TOMM7: variants seen among roughly 807,000 people sequenced by gnomAD.
TOMM7 encodes mitochondrial import receptor subunit TOM7 homolog.
Under a neutral mutation model 9.5 loss-of-function variants are expected in TOMM7, and 8 were observed. The observed-to-expected ratio is 0.84, with a 90% CI of 0.49 to 1.51. TOMM7 has a LOEUF of 1.51. Among genes scored for constraint, TOMM7 ranks in the 40% most tolerant of loss-of-function variants. The pLI is 0.00. For missense variants in TOMM7, 74 were observed against 63.7 expected, an observed-to-expected ratio of 1.16 and a Z score of -0.55; for synonymous variants, 27 against 21.4, an observed-to-expected ratio of 1.26 and a Z score of -0.72.
intron 2 of TOMM7, among the ~76,000 whole-genome samples, chr7:22,814,387 C>T (rs10950922): frequency 0.48 from 69,878 of 146,514 alleles, 18,435 homozygotes; most frequent in East Asian, 0.82. Context: ...GGTGTGGTGA[C>T]GCGTGCCTGT....
intron 1 of TOMM7, among the ~76,000 whole-genome samples, chr7:22,821,588 A>G (rs973072791): frequency 1.3e-5 from 2 of 151,950 alleles, no homozygotes; most frequent in African/African-American, 4.8e-5. Flanking sequence ...GTCTCTACTA[A>G]AAATATAAAC....
chr7:22,817,865 T>A (rs1782336503), intron 2 of TOMM7, 135 bp downstream of exon 2: 3 of 737,094 alleles, frequency 4.1e-6, no homozygotes, highest in Non-Finnish European at 6.7e-6. Context: ...TAGTTGCAGT[T>A]TTCCAATAGC....
intron 2 of TOMM7, among the ~76,000 whole-genome samples, chr7:22,814,349 CAAAAAAA>C (rs58506942): frequency 9.9e-5 from 9 of 91,022 alleles, no homozygotes; most frequent in Non-Finnish European, 1.7e-4. Context: ...GACTCCGACT[CAAAAAAA>C]AAAAAAAAAA....
At chr7:22,819,320 T>C (rs1350735234) in intron 1 of TOMM7, among the ~76,000 whole-genome samples, 1 of 151,262 alleles carries the variant, frequency 6.6e-6, no homozygotes, top group Non-Finnish European at 1.5e-5. Flanking sequence ...TTAAAATAAA[T>C]AAAAGATAAC....
chr7:22,822,158 A>C (rs1336283416), intron 1 of TOMM7: 31 of 1,550,532 alleles, frequency 2.0e-5, no homozygotes, highest in Non-Finnish European at 2.7e-5. Flanking sequence ...CCTCACCTGT[A>C]AAATGGGGGC....
chr7:22,817,712 T>C, intron 2 of TOMM7: 1 of 295,366 alleles, frequency 3.4e-6, no homozygotes, highest in Non-Finnish European at 6.4e-6. Flanking sequence ...TTCATCTGAA[T>C]GAGGATAAGA....
At chr7:22,822,127 A>T in intron 1 of TOMM7, 1 of 1,549,124 alleles carries the variant, frequency 6.5e-7, no homozygotes. Flanking sequence ...CCTTGGCAAA[A>T]AAGTTTCTCT....
At chr7:22,814,847 A>G (rs1442510415) in intron 2 of TOMM7, among the ~76,000 whole-genome samples, 1 of 152,208 alleles carries the variant, frequency 6.6e-6, no homozygotes, top group Non-Finnish European at 1.5e-5. Flanking sequence ...TATTTACATA[A>G]GTATTATATA....
In TOMM7 at chr7:22,822,755, T is replaced by A. The variant is rs1782412522; in HGVS notation, c.25A>T (p.Lys9Ter). The change falls in exon 1 of 3, where the codon AAG becomes TAG. Residue 9 changes from lysine to a stop codon, truncating the protein, a stop_gained. Coordinates refer to ENST00000358435, the MANE Select transcript of TOMM7 (RefSeq NM_019059.5). LOFTEE classifies it high-confidence loss of function. ...TTGAAGAGCTGCTGTAGTCTCTGCT[T>A]GGCCTCTTTGCTCAGCTTCACCATG... MVKLSKEA[K>*]QRLQQLFKGS... is the part of the protein sequence containing the mutation. 2 of 1,614,212 alleles carry A rather than the reference T, an allele frequency of 1.2e-6. No individual in the cohort carries two copies. The highest frequency in any genetic ancestry group is 1.7e-6 in the Non-Finnish European group (2 of 1,180,028).
intron 2 of TOMM7, 92 bp from the exon 3 acceptor site, chr7:22,813,277 T>C: frequency 8.6e-7 from 1 of 1,162,962 alleles, no homozygotes; most frequent in Non-Finnish European, 1.2e-6. Context: ...TATACATTTA[T>C]GTTTGTTTCC....
In TOMM7 at chr7:22,822,105, A is replaced by T. The variant is rs1562674474; in HGVS notation, c.103+572T>A. The T allele has an allele frequency of 1.9e-6, 3 of 1,545,382 alleles. No homozygotes were observed. In the South Asian group the frequency reaches 3.6e-5, roughly 18 times the overall value. On this transcript the variant is annotated intron_variant, in intron 1 of 2. Transcript: ENST00000358435. ...TGAGCCCCTAACTCCCTCAGTCAGCATAGCTGTGCGACCTTGGCAAAAAAG... is the reference window on the plus strand; with the variant it reads ...TGAGCCCCTAACTCCCTCAGTCAGCTTAGCTGTGCGACCTTGGCAAAAAAG...
chr7:22,819,832 A>C (rs1782363956), intron 1 of TOMM7, among the ~76,000 whole-genome samples: 1 of 152,212 alleles, frequency 6.6e-6, no homozygotes, highest in African/African-American at 2.4e-5. Flanking sequence ...AATGCAAGAC[A>C]CCATGGAGAA....
In TOMM7 at chr7:22,813,156, G is replaced by A; in HGVS notation, c.*14C>T. 2 of 1,613,608 alleles carry A rather than the reference G, an allele frequency of 1.2e-6. No individual in the cohort carries two copies. The highest frequency in any genetic ancestry group is 8.5e-7 in the Non-Finnish European group (1 of 1,179,690). On this transcript the variant is annotated 3_prime_UTR_variant, in exon 3 of 3. Transcript: ENST00000358435. Reference sequence around the variant, plus strand: ...CCGCTGATTGCCTCCAAATCCAGAAGACCAAATAATCCTTTATCCCCAAAG... The same window carrying A: ...CCGCTGATTGCCTCCAAATCCAGAAAACCAAATAATCCTTTATCCCCAAAG...
chr7:22,818,193 C>A, intron 1 of TOMM7, 145 bp from the exon 2 acceptor site: 1 of 674,658 alleles, frequency 1.5e-6, no homozygotes, highest in South Asian at 1.9e-5. Flanking sequence ...CTAAATTTAC[C>A]TACGCTACAG....
intron 1 of TOMM7, chr7:22,818,321 T>C (rs991500916): frequency 9.9e-6 from 3 of 301,522 alleles, no homozygotes; most frequent in African/African-American, 6.5e-5. Flanking sequence ...CAGGCTGGAG[T>C]GCTGTGGTAT....
At chr7:22,821,475 G>C (rs1782390195) in intron 1 of TOMM7, among the ~76,000 whole-genome samples, 1 of 151,360 alleles carries the variant, frequency 6.6e-6, no homozygotes, top group Admixed American at 6.6e-5. Flanking sequence ...TGTAATCCCA[G>C]CACTTTGGGA....
intron 2 of TOMM7, among the ~76,000 whole-genome samples, chr7:22,814,134 A>C (rs541553500): frequency 1.3e-5 from 2 of 149,334 alleles, no homozygotes; most frequent in South Asian, 4.3e-4. Context: ...CACGAGTTCG[A>C]AACCAGCCTG....
At position 22,820,812 on chromosome 7, in the gene TOMM7, T is replaced by A. The variant is rs530245400; in HGVS notation, c.103+1865A>T. On this transcript the variant is annotated intron_variant, in intron 1 of 2. Coordinates refer to ENST00000358435, the MANE Select transcript of TOMM7 (RefSeq NM_019059.5). Reference sequence around the variant, plus strand: ...AAAATCTAGAAAAGTAATGTTTTTTTAAAAAATTGCACCCAGAATAAGGGA... The same window carrying A: ...AAAATCTAGAAAAGTAATGTTTTTTAAAAAAATTGCACCCAGAATAAGGGA... Among the ~76,000 whole-genome samples, 16 of 152,306 alleles carry A rather than the reference T, an allele frequency of 1.1e-4. No individual in the cohort carries two copies. In the East Asian group the frequency reaches 2.5e-3, roughly 24 times the overall value.
At chr7:22,815,227 G>A (rs1361875036) in intron 2 of TOMM7, among the ~76,000 whole-genome samples, 1 of 152,110 alleles carries the variant, frequency 6.6e-6, no homozygotes, top group Non-Finnish European at 1.5e-5. Flanking sequence ...AGTCGCTGAA[G>A]GTTCAAATCT....
Sources: allele counts gnomAD v4.1 joint callset (sites outside exome capture counted in the v4.1 genomes callset), GRCh38; gene constraint gnomAD v4.1.1; transcripts MANE v1.5; gene names NCBI Gene and HGNC (gene_info 2026-07-23, HGNC 2026-07-21).